Variants in TAFA5 observed in about 807,000 individuals in gnomAD.
TAFA5 encodes the protein chemokine-like protein TAFA-5.
TAFA5 carries 6 observed loss-of-function variants against 15.3 expected under a neutral mutation model. The observed-to-expected ratio is 0.39, with a 90% confidence interval of 0.21 to 0.77. The LOEUF is 0.77. Ranked by LOEUF, TAFA5 falls within the 30% of genes least tolerant of loss-of-function variation. The pLI is 0.41. For synonymous variants in TAFA5, 103 were observed against 80.7 expected (o/e 1.28, Z -1.48); for missense variants, 161 against 193.1 (o/e 0.83, Z 0.98).
intron 2 of TAFA5, among the ~76,000 whole-genome samples, chr22:48,661,141 G>C (rs934177950): frequency 2.0e-5 from 3 of 152,168 alleles, no homozygotes; most frequent in African/African-American, 7.2e-5. Flanking sequence ...CAAATCGTCT[G>C]GACCCCTGTG....
At chr22:48,537,595 C>T (rs1310420979) in intron 1 of TAFA5, among the ~76,000 whole-genome samples, 1 of 152,256 alleles carries the variant, frequency 6.6e-6, no homozygotes, top group African/African-American at 2.4e-5. Context: ...CAGAAGCTGG[C>T]AGCAAGGAGC....
intron 1 of TAFA5, among the ~76,000 whole-genome samples, chr22:48,501,198 G>T (rs5768683): frequency 0.16 from 23,782 of 152,226 alleles, 2,347 homozygotes; most frequent in East Asian, 0.42. Flanking sequence ...GTGCTCCAAA[G>T]CCTTGAGGAG....
chr22:48,506,813 T>C (rs1457865595), intron 1 of TAFA5, among the ~76,000 whole-genome samples: 1 of 152,198 alleles, frequency 6.6e-6, no homozygotes, highest in African/African-American at 2.4e-5. Context: ...GGAGGCCTCC[T>C]GCCACACAGA....
chr22:48,548,507 C>T (rs1015333457), intron 1 of TAFA5, among the ~76,000 whole-genome samples: 12 of 152,290 alleles, frequency 7.9e-5, no homozygotes, highest in East Asian at 5.8e-4. Context: ...TGGCTTTGAC[C>T]GTGGGTCTGT....
At chr22:48,495,366 C>T (rs893290878) in intron 1 of TAFA5, among the ~76,000 whole-genome samples, 7 of 152,196 alleles carry the variant, frequency 4.6e-5, no homozygotes, top group Admixed American at 3.9e-4. Context: ...GACAGTCAGT[C>T]GGCACAAAGC....
chr22:48,531,867 C>T (rs937574334), intron 1 of TAFA5, among the ~76,000 whole-genome samples: 18 of 152,300 alleles, frequency 1.2e-4, no homozygotes, highest in Admixed American at 4.6e-4. Context: ...GAAGGACGGA[C>T]GGGCCTGGCA....
chr22:48,535,366 G>T (rs1397041121), intron 1 of TAFA5, among the ~76,000 whole-genome samples: 1 of 152,254 alleles, frequency 6.6e-6, no homozygotes, highest in Non-Finnish European at 1.5e-5. Flanking sequence ...AACAGAGGAT[G>T]TGATGGCCTT....
Position 48,584,065 on chromosome 22 carries a change from C to G in TAFA5, c.113-62532C>G, listed in dbSNP as rs1369142813. Among the ~76,000 whole-genome samples the G allele has an allele frequency of 6.8e-5, 10 of 146,288 alleles. No homozygotes were observed. The East Asian group carries it at 2.1e-3, about 31-fold the overall frequency. The stretch of plus-strand genomic sequence containing the variant: ...AAATACACCACATACACCACACATA[C>G]CAGACACCACACACCACTCACAAAA... On this transcript the variant is annotated intron_variant, in intron 1 of 3. Coordinates refer to ENST00000402357, the MANE Select transcript of TAFA5 (RefSeq NM_001082967.3).
intron 3 of TAFA5, among the ~76,000 whole-genome samples, chr22:48,735,922 A>G (rs1930001419): frequency 6.8e-6 from 1 of 147,866 alleles, no homozygotes; most frequent in Admixed American, 6.7e-5. Flanking sequence ...CCATCCCCCC[A>G]GGAGGAATGA....
At chr22:48,572,547 G>C (rs781090006) in intron 1 of TAFA5, among the ~76,000 whole-genome samples, 16 of 152,190 alleles carry the variant, frequency 1.1e-4, no homozygotes, top group Non-Finnish European at 1.9e-4. Flanking sequence ...CCTTAACTCT[G>C]CTCTGCCCTG....
chr22:48,631,222 TGCCAG>T (rs771211817), intron 1 of TAFA5, among the ~76,000 whole-genome samples: 17 of 152,246 alleles, frequency 1.1e-4, no homozygotes, highest in Non-Finnish European at 2.1e-4. Context: ...TTGGCCCCTC[TGCCAG>T]GCCAGGCCAG....
intron 2 of TAFA5, among the ~76,000 whole-genome samples, chr22:48,679,874 T>G (rs12163288): frequency 0.15 from 22,053 of 144,078 alleles, 2,121 homozygotes; most frequent in South Asian, 0.26. Flanking sequence ...ACTCTCAGGG[T>G]TCTGCACAGG....
chr22:48,664,737 T>TA (rs1383778328), intron 2 of TAFA5, among the ~76,000 whole-genome samples: 4 of 152,198 alleles, frequency 2.6e-5, no homozygotes, highest in Admixed American at 6.5e-5. Flanking sequence ...TTTCCCTCGT[T>TA]ACGTCTGTGA....
At chr22:48,716,474 C>T (rs1408930058) in intron 3 of TAFA5, among the ~76,000 whole-genome samples, 3 of 152,098 alleles carry the variant, frequency 2.0e-5, no homozygotes, top group Non-Finnish European at 1.5e-5. Flanking sequence ...ACAATGAGAA[C>T]ACATGGACAC....
At chr22:48,501,551 G>T (rs1920951979) in intron 1 of TAFA5, among the ~76,000 whole-genome samples, 1 of 151,830 alleles carries the variant, frequency 6.6e-6, no homozygotes, top group Middle Eastern at 3.4e-3. Flanking sequence ...GAGGTAGTCG[G>T]GGGTGCCCGG....
chr22:48,554,207 C>T (rs1004110528), intron 1 of TAFA5, among the ~76,000 whole-genome samples: 3 of 152,066 alleles, frequency 2.0e-5, no homozygotes, highest in Admixed American at 2.0e-4. Context: ...GAAATGCTCC[C>T]GGGTGTCTGG....
intron 3 of TAFA5, among the ~76,000 whole-genome samples, chr22:48,715,218 T>C (rs1929366991): frequency 6.6e-6 from 1 of 152,236 alleles, no homozygotes; most frequent in Non-Finnish European, 1.5e-5. Flanking sequence ...AGGGCCCTTC[T>C]GTGAAGCCCA....
In TAFA5 at chr22:48,631,807, G is replaced by C. The variant is rs544950606; in HGVS notation, c.113-14790G>C. The stretch of plus-strand genomic sequence containing the variant: ...CGGAATGTAAAGGGTCTGCGTGGCC[G>C]TGTGGGAAGGACAGCAGGGGGCCTA... On this transcript the variant is annotated intron_variant, in intron 1 of 3. Coordinates refer to ENST00000402357, the MANE Select transcript of TAFA5 (RefSeq NM_001082967.3). Among the ~76,000 whole-genome samples, 3 of 152,276 alleles carry C rather than the reference G, an allele frequency of 2.0e-5. No individual in the cohort carries two copies. The South Asian group carries it at 6.2e-4, about 32-fold the overall frequency.
At chr22:48,613,966 C>T (rs1451008757) in intron 1 of TAFA5, among the ~76,000 whole-genome samples, 2 of 152,238 alleles carry the variant, frequency 1.3e-5, no homozygotes, top group African/African-American at 2.4e-5. Flanking sequence ...CGGCTCGCGG[C>T]CCCTGCGAGA....
Sources: gnomAD v4.1 joint callset for allele counts (sites outside exome capture counted in the v4.1 genomes callset) on GRCh38, gnomAD v4.1.1 for gene constraint, MANE v1.5 for transcripts, NCBI Gene and HGNC (gene_info 2026-07-23, HGNC 2026-07-21) for gene names.